The following PPP4R3B variants were observed in gnomAD, a reference collection of about 807,000 sequenced individuals.
The protein encoded by PPP4R3B is protein phosphatase 4 regulatory subunit 3B.
A neutral mutation model predicts 95.4 loss-of-function variants in PPP4R3B; 52 were observed. The ratio of observed to expected loss-of-function variants is 0.54; its 90% CI spans 0.44 to 0.69. The LOEUF is 0.69. Ranked by LOEUF, PPP4R3B falls within the 30% of genes least tolerant of loss-of-function variation. The pLI, the probability that PPP4R3B is intolerant of heterozygous loss-of-function variation, is 0.00. For missense variants in PPP4R3B, 1,003 were observed against 1,005.9 expected (o/e 1.00, Z 0.04); for synonymous variants, 407 against 343.9 (o/e 1.18, Z -2.03).
chr2:55,595,151 G>C (rs1291488733), intron 4 of PPP4R3B, among the ~76,000 whole-genome samples: 2 of 151,708 alleles, frequency 1.3e-5, no homozygotes, highest in African/African-American at 4.8e-5. Context: ...AGCTTCCTGA[G>C]TAGCTGGGAT....
intron 7 of PPP4R3B, among the ~76,000 whole-genome samples, chr2:55,584,269 T>C (rs927402657): frequency 6.6e-6 from 1 of 152,204 alleles, no homozygotes; most frequent in African/African-American, 2.4e-5. Flanking sequence ...GTCCTTAAAA[T>C]AGCTTAAGGG....
chr2:55,586,710 C>A lies in PPP4R3B; in HGVS notation c.1024G>T (p.Ala342Ser). ...TGAGGTTGTAATGTCTGAGAAAATGCACAAAACTCCTTGAAAAAATTAACC... is the reference window on the plus strand; with the variant it reads ...TGAGGTTGTAATGTCTGAGAAAATGAACAAAACTCCTTGAAAAAATTAACC... ...ELVNFFKEFC[A>S]FSQTLQPQNR... The change falls in exon 6 of 17, where the codon GCA becomes TCA. Residue 342 changes from alanine to serine, a missense_variant. Transcript: ENST00000616407. The A allele has an allele frequency of 6.3e-7, 1 of 1,598,976 alleles. No individual in the cohort carries two copies. The highest frequency in any genetic ancestry group is 1.1e-5 in the South Asian group (1 of 87,166).
intron 15 of PPP4R3B, among the ~76,000 whole-genome samples, chr2:55,559,448 T>C (rs755736096): frequency 3.9e-5 from 6 of 152,334 alleles, no homozygotes; most frequent in Middle Eastern, 3.4e-3. Flanking sequence ...GATGATATGG[T>C]CTGGCTCTGT....
chr2:55,583,434 T>C (rs989718624), intron 7 of PPP4R3B, among the ~76,000 whole-genome samples: 1 of 152,158 alleles, frequency 6.6e-6, no homozygotes, highest in Non-Finnish European at 1.5e-5. Context: ...TTCTAAGTCT[T>C]AGGTATCAAT....
At position 55,564,322 on chromosome 2, in the gene PPP4R3B, T is replaced by C. The variant is rs1000011209; in HGVS notation, c.2251A>G (p.Thr751Ala). Residue 751 changes from threonine (T) to alanine (A), a missense_variant, in exon 15 of 17, where the codon ACT becomes GCT. By Grantham distance (58) the Thr-to-Ala change is moderately conservative. This residue lies in a region of PPP4R3B where 229 missense variants were observed against 194.7 expected (regional missense o/e 1.18). Coordinates refer to ENST00000616407, the MANE Select transcript of PPP4R3B (RefSeq NM_001122964.3). ...TTCCGAATTTTAATACCTTTTTTAG[T>C]CTCCATAAACTTTTCATAATTATCT... ...FPDNYEKFME[T>A]KKAKESEDKE... The C allele has an allele frequency of 5.6e-6, 9 of 1,609,670 alleles. No individual in the cohort carries two copies. In the Admixed American group the frequency reaches 1.2e-4, roughly 21 times the overall value.
intron 2 of PPP4R3B, among the ~76,000 whole-genome samples, chr2:55,609,737 C>T (rs1186240865): frequency 5.3e-5 from 8 of 150,372 alleles, no homozygotes; most frequent in Admixed American, 4.0e-4. Flanking sequence ...CTTCAAAGCC[C>T]GGATGGAAAA....
chr2:55,576,302 T>A (rs1688651943), intron 11 of PPP4R3B, among the ~76,000 whole-genome samples: 1 of 152,094 alleles, frequency 6.6e-6, no homozygotes, highest in South Asian at 2.1e-4. Context: ...GAGCCGAAAT[T>A]GTGCCACTGC....
chr2:55,572,678 T>C (rs369228086), intron 12 of PPP4R3B, among the ~76,000 whole-genome samples: 37 of 152,266 alleles, frequency 2.4e-4, no homozygotes, highest in African/African-American at 8.4e-4. Context: ...CAGATAAATA[T>C]TTTCTCTTAC....
At position 55,598,562 on chromosome 2, in the gene PPP4R3B, G is replaced by A. The variant is rs372668544; in HGVS notation, c.775C>T (p.Leu259=). Reference sequence around the variant, plus strand: ...TAAGTCTGATGTATTTTTTGCCTTAGTTCAGAGTCTGTTATTGGTATAACT... The same window carrying A: ...TAAGTCTGATGTATTTTTTGCCTTAATTCAGAGTCTGTTATTGGTATAACT... ...KEVIPITDSE[L]RQKIHQTYRV... The change falls in exon 4 of 17, where the codon CTA becomes TTA. Residue 259 remains leucine, a synonymous_variant. Transcript: ENST00000616407. The A allele has an allele frequency of 1.4e-4, 220 of 1,614,024 alleles. No individual in the cohort carries two copies. Among genetic ancestry groups the A allele is most frequent in the Non-Finnish European group, 1.8e-4 (214 of 1,180,036 alleles).
In PPP4R3B at chr2:55,564,830, T is replaced by A; in HGVS notation, c.2075+72A>T. ...AGAAAATTCCTCAGTAAATTTCACA[T>A]GGAAAATCTGAACTACAAACAATTT... On this transcript the variant is annotated intron_variant, in intron 14 of 16. Transcript: ENST00000616407. 3.9e-6 allele frequency: 6 copies of A among 1,551,444 alleles called. No individual in the cohort carries two copies. In the South Asian group the frequency reaches 6.0e-5, roughly 16 times the overall value.
At chr2:55,613,765 C>T (rs1011311356) in intron 2 of PPP4R3B, among the ~76,000 whole-genome samples, 2 of 145,796 alleles carry the variant, frequency 1.4e-5, no homozygotes, top group African/African-American at 5.1e-5. Flanking sequence ...CATTTAAGAA[C>T]AAAGTTCCTG....
intron 7 of PPP4R3B, 85 bp from the exon 8 acceptor site, chr2:55,581,783 A>T: frequency 1.4e-6 from 2 of 1,429,634 alleles, no homozygotes; most frequent in South Asian, 2.7e-5. Context: ...GAAAGAGCAA[A>T]GTGAGAATTA....
rs1685027175 is a variant in PPP4R3B at position 55,549,629 on chromosome 2, AC to A, written c.*281del. The A allele has an allele frequency of 2.6e-6, 1 of 379,820 alleles. No homozygotes were observed. The highest frequency in any genetic ancestry group is 4.7e-6 in the Non-Finnish European group (1 of 211,576). 23.5% of individuals were successfully genotyped at this position (379,820 alleles called of 1,614,324 possible). A position where few individuals can be genotyped will look rare whatever the true frequency, so the allele number is the denominator to read the frequency against. Reference sequence around the variant, plus strand: ...TTCCCCTCCCCTAAACCGTCCCCAAACCTGTGACTTTTCCTTGCTGAGAAGC... The same window carrying A: ...TTCCCCTCCCCTAAACCGTCCCCAAACTGTGACTTTTCCTTGCTGAGAAGC... On this transcript the variant is annotated 3_prime_UTR_variant, in exon 17 of 17. Transcript: ENST00000616407.
intron 3 of PPP4R3B, among the ~76,000 whole-genome samples, chr2:55,600,147 T>C (rs1245915572): frequency 1.3e-5 from 2 of 152,100 alleles, no homozygotes; most frequent in South Asian, 4.1e-4. Context: ...TTTCTCATTA[T>C]AAGGGGTGGC....
chr2:55,589,793 G>A (rs1296837860), intron 4 of PPP4R3B, among the ~76,000 whole-genome samples: 1 of 151,144 alleles, frequency 6.6e-6, no homozygotes, highest in Non-Finnish European at 1.5e-5. Context: ...GTGGGCGCCT[G>A]TAGTGGCAGC....
In PPP4R3B at chr2:55,549,073, T is replaced by C. The variant is rs1046586876; in HGVS notation, c.*838A>G. ...ACTTGCAGCTCTGGAAAGACAGAACTTTACTAACAAAGTAGAAAGTGATTT... is the reference window on the plus strand; with the variant it reads ...ACTTGCAGCTCTGGAAAGACAGAACCTTACTAACAAAGTAGAAAGTGATTT... On this transcript the variant is annotated 3_prime_UTR_variant, in exon 17 of 17. Coordinates refer to ENST00000616407, the MANE Select transcript of PPP4R3B (RefSeq NM_001122964.3). The C allele has an allele frequency of 3.9e-5, 6 of 152,322 alleles. No individual in the cohort carries two copies. The highest frequency in any genetic ancestry group is 1.4e-4 in the African/African-American group (6 of 41,444). The allele number at this position is 152,322 out of a possible 1,614,324, so 9.4% of individuals were successfully genotyped here. A position where few individuals can be genotyped will look rare whatever the true frequency, so the allele number is the denominator to read the frequency against.
chr2:55,583,409 A>T (rs1689688560), intron 7 of PPP4R3B, among the ~76,000 whole-genome samples: 1 of 152,162 alleles, frequency 6.6e-6, no homozygotes, highest in Non-Finnish European at 1.5e-5. Flanking sequence ...ACAGTGAAAA[A>T]ATCAATCACT....
intron 3 of PPP4R3B, 145 bp from the exon 4 acceptor site, chr2:55,599,184 T>C: frequency 1.3e-6 from 1 of 755,474 alleles, no homozygotes; most frequent in South Asian, 2.0e-5. Flanking sequence ...ACGCCTGTAA[T>C]CCCAGCACTT....
At chr2:55,613,700 G>A (rs1306009827) in intron 2 of PPP4R3B, among the ~76,000 whole-genome samples, 2 of 151,798 alleles carry the variant, frequency 1.3e-5, no homozygotes, top group Admixed American at 6.6e-5. Flanking sequence ...TATACAATCT[G>A]AGAAGAATCC....
Sources: gnomAD v4.1 joint callset for allele counts (sites outside exome capture counted in the v4.1 genomes callset) on GRCh38, gnomAD v4.1.1 for gene constraint, gnomAD v4.1.1 regional missense constraint, MANE v1.5 for transcripts, NCBI Gene and HGNC (gene_info 2026-07-23, HGNC 2026-07-21) for gene names.